ZSCAN5A: variants seen among roughly 807,000 people sequenced by gnomAD.
The protein encoded by ZSCAN5A is zinc finger and SCAN domain-containing protein 5A.
Under a neutral mutation model 23.7 loss-of-function variants are expected in ZSCAN5A, and 12 were observed. That is an observed-to-expected ratio of 0.51 (90% CI 0.32 to 0.82). The LOEUF is 0.82. Ranked by LOEUF, ZSCAN5A falls within the 40% of genes least tolerant of loss-of-function variation. The probability of loss-of-function intolerance (pLI) is 0.03; values close to 1 mark genes in which losing one functional copy is unlikely to be tolerated. For synonymous variants in ZSCAN5A, 257 were observed against 239.9 expected (o/e 1.07, Z -0.66); for missense variants, 597 against 617.9 (o/e 0.97, Z 0.36).
chr19:56,359,028 A>T (rs539311795), intron 2 of ZSCAN5A, among the ~76,000 whole-genome samples: 1 of 152,210 alleles, frequency 6.6e-6, no homozygotes, highest in African/African-American at 2.4e-5. Flanking sequence ...GAGAACCAAG[A>T]GCAAATAAAT....
intron 2 of ZSCAN5A, among the ~76,000 whole-genome samples, chr19:56,262,473 G>A (rs559075588): frequency 2.7e-5 from 4 of 150,686 alleles, no homozygotes; most frequent in African/African-American, 7.3e-5. Context: ...CCAGGCTGGC[G>A]TGCAATGGCA....
intron 2 of ZSCAN5A, among the ~76,000 whole-genome samples, chr19:56,227,167 C>T (rs1385363477): frequency 6.6e-6 from 1 of 152,100 alleles, no homozygotes; most frequent in Non-Finnish European, 1.5e-5. Flanking sequence ...AATTAGATTT[C>T]AAGTATTCTC....
intron 2 of ZSCAN5A, among the ~76,000 whole-genome samples, chr19:56,252,726 C>T (rs1463574560): frequency 6.6e-6 from 1 of 152,190 alleles, no homozygotes; most frequent in Non-Finnish European, 1.5e-5. Flanking sequence ...GTATGAACCT[C>T]AACGTCTGGG....
intron 2 of ZSCAN5A, among the ~76,000 whole-genome samples, chr19:56,236,674 G>A (rs1338600887): frequency 9.6e-6 from 1 of 104,188 alleles, no homozygotes; most frequent in Non-Finnish European, 2.0e-5. Flanking sequence ...TCTGATGGAC[G>A]GTGGGCCAAG....
At chr19:56,303,812 A>G (rs1405408693) in intron 2 of ZSCAN5A, among the ~76,000 whole-genome samples, 1 of 100,694 alleles carries the variant, frequency 9.9e-6, no homozygotes, top group Non-Finnish European at 1.8e-5. Flanking sequence ...TTCCCCGGGC[A>G]GGTAACGTCT....
At chr19:56,281,870 G>A (rs927931934) in intron 2 of ZSCAN5A, among the ~76,000 whole-genome samples, 9 of 152,174 alleles carry the variant, frequency 5.9e-5, no homozygotes, top group Admixed American at 2.0e-4. Flanking sequence ...CAGATTGCCC[G>A]GGGTGGGAAC....
intron 2 of ZSCAN5A, among the ~76,000 whole-genome samples, chr19:56,273,144 C>G (rs2037976645): frequency 6.6e-6 from 1 of 152,196 alleles, no homozygotes; most frequent in African/African-American, 2.4e-5. Context: ...GTTTCTATCA[C>G]TGATTCTGTG....
intron 2 of ZSCAN5A, among the ~76,000 whole-genome samples, chr19:56,232,737 T>C (rs11667358): frequency 0.21 from 32,128 of 151,904 alleles, 3,479 homozygotes; most frequent in Middle Eastern, 0.25. Context: ...GAAGCACAGT[T>C]GCACAATCAT....
At chr19:56,267,029 G>T (rs910152435) in intron 2 of ZSCAN5A, among the ~76,000 whole-genome samples, 18 of 129,316 alleles carry the variant, frequency 1.4e-4, no homozygotes, top group African/African-American at 5.2e-4. Flanking sequence ...CTGCCTCGGG[G>T]TCTTTGCACA....
intron 2 of ZSCAN5A, among the ~76,000 whole-genome samples, chr19:56,270,244 CCT>C (rs368948605): frequency 0.019 from 2,862 of 152,026 alleles, 81 homozygotes; most frequent in African/African-American, 0.065. Context: ...ATGGTGAAAC[CCT>C]GTCTCTACTA....
At chr19:56,302,520 C>T (rs56067548) in intron 2 of ZSCAN5A, among the ~76,000 whole-genome samples, 24 of 29,168 alleles carry the variant, frequency 8.2e-4, no homozygotes, top group Admixed American at 1.4e-3. Flanking sequence ...TTTCCTTCCT[C>T]CCTCCCTCCC....
intron 4 of ZSCAN5A, among the ~76,000 whole-genome samples, chr19:56,222,982 G>A (rs1223884071): frequency 6.6e-6 from 1 of 152,112 alleles, no homozygotes; most frequent in Non-Finnish European, 1.5e-5. Context: ...GGTTTTCACT[G>A]TTTGGTTCTC....
chr19:56,233,308 T>C (rs1257950805), intron 2 of ZSCAN5A, among the ~76,000 whole-genome samples: 2 of 152,106 alleles, frequency 1.3e-5, no homozygotes, highest in African/African-American at 4.8e-5. Flanking sequence ...GTCATGGCAT[T>C]CATTTAGTCC....
intron 2 of ZSCAN5A, chr19:56,282,643 G>A (rs2038800755): frequency 3.2e-6 from 1 of 308,946 alleles, no homozygotes; most frequent in African/African-American, 2.3e-5. Flanking sequence ...AAAACCAAGT[G>A]TGGAATTGTC....
At position 56,274,327 on chromosome 19, in the gene ZSCAN5A, G is replaced by A. The variant is rs534173691; in HGVS notation, c.-128+38956C>T. The stretch of plus-strand genomic sequence containing the variant: ...AAATTATCCAGGCATGGTAGTAGGG[G>A]CCTGTAATCCCAGCTACTCAGGAAG... On this transcript the variant is annotated intron_variant, in intron 2 of 5. Transcript: ENST00000683990. 4.6e-4 allele frequency among the ~76,000 whole-genome samples: 70 copies of A among 152,098 alleles called. 1 individual carries two copies. In the South Asian group the frequency reaches 0.014, roughly 31 times the overall value.
intron 2 of ZSCAN5A, among the ~76,000 whole-genome samples, chr19:56,338,979 A>C (rs1409757205): frequency 6.6e-6 from 1 of 152,258 alleles, no homozygotes; most frequent in Non-Finnish European, 1.5e-5. Flanking sequence ...GAGTGCAAAA[A>C]TGCCTGCAGG....
chr19:56,331,996 T>G (rs1014557178), intron 2 of ZSCAN5A, among the ~76,000 whole-genome samples: 2 of 152,192 alleles, frequency 1.3e-5, no homozygotes, highest in Non-Finnish European at 2.9e-5. Flanking sequence ...TTGAGAGATC[T>G]TGGTATTGAT....
intron 2 of ZSCAN5A, among the ~76,000 whole-genome samples, chr19:56,302,456 G>T (rs544775722): frequency 8.9e-6 from 1 of 112,526 alleles, no homozygotes; most frequent in African/African-American, 3.5e-5. Context: ...TCCTCTCTCC[G>T]TCTGCTTCCT....
intron 1 of ZSCAN5A, 118 bp from the exon 2 acceptor site, chr19:56,313,502 T>G (rs1317567597): frequency 6.5e-6 from 1 of 154,228 alleles, no homozygotes; most frequent in Non-Finnish European, 1.4e-5. Context: ...ATGTGGGAAT[T>G]CAAGATGAGA....
Sources: gnomAD v4.1 joint callset for allele counts (sites outside exome capture counted in the v4.1 genomes callset) on GRCh38, gnomAD v4.1.1 for gene constraint, MANE v1.5 for transcripts, NCBI Gene and HGNC (gene_info 2026-07-23, HGNC 2026-07-21) for gene names.